WWP1: variants seen among roughly 807,000 people sequenced by gnomAD.
WWP1 encodes NEDD4-like E3 ubiquitin-protein ligase WWP1.
WWP1 carries 49 observed loss-of-function variants against 130.6 expected under a neutral mutation model. The ratio of observed to expected loss-of-function variants is 0.38; its 90% CI spans 0.30 to 0.48. The LOEUF (loss-of-function observed/expected upper bound fraction) is 0.48. Among genes scored for constraint, WWP1 ranks in the 20% least tolerant of loss-of-function variants. The pLI is 0.99. For missense variants in WWP1, 809 were observed against 1,100.6 expected (o/e 0.74, Z 3.75); for synonymous variants, 332 against 367.8 (o/e 0.90, Z 1.11).
intron 10 of WWP1, among the ~76,000 whole-genome samples, chr8:86,425,640 T>G (rs1809580285): frequency 6.6e-6 from 1 of 152,184 alleles, no homozygotes; most frequent in African/African-American, 2.4e-5. Context: ...GATAGTGATC[T>G]AAACTATGTT....
chr8:86,407,819 C>G (rs1433873834), intron 8 of WWP1, among the ~76,000 whole-genome samples: 1 of 152,152 alleles, frequency 6.6e-6, no homozygotes, highest in Non-Finnish European at 1.5e-5. Flanking sequence ...CCATCCCACT[C>G]AGAGTTTTTG....
At chr8:86,400,266 A>G (rs572193809) in intron 7 of WWP1, among the ~76,000 whole-genome samples, 18 of 152,018 alleles carry the variant, frequency 1.2e-4, no homozygotes, top group East Asian at 9.7e-4. Context: ...CGGGAGGCGG[A>G]GGTTGCAGTG....
intron 9 of WWP1, among the ~76,000 whole-genome samples, chr8:86,424,161 C>G (rs1809437672): frequency 6.6e-6 from 1 of 151,514 alleles, no homozygotes; most frequent in Non-Finnish European, 1.5e-5. Flanking sequence ...CCTCACCTCC[C>G]AGACTGGGTC....
chr8:86,448,634 T>A (rs1296301731), intron 20 of WWP1, 121 bp downstream of exon 20: 2 of 897,112 alleles, frequency 2.2e-6, no homozygotes, highest in South Asian at 3.0e-5. Flanking sequence ...CCAGTACCAA[T>A]GTTCTTGAAA....
chr8:86,360,977 T>C (rs558870432), intron 1 of WWP1, among the ~76,000 whole-genome samples: 1 of 152,162 alleles, frequency 6.6e-6, no homozygotes, highest in East Asian at 1.9e-4. Flanking sequence ...GGTAATTAGG[T>C]TGAGGAATGT....
intron 11 of WWP1, 67 bp downstream of exon 11, chr8:86,427,884 T>G (rs931753062): frequency 7.2e-7 from 1 of 1,393,986 alleles, no homozygotes; most frequent in South Asian, 1.4e-5. Flanking sequence ...TTTTTTTTTT[T>G]GCTATCCCTT....
At chr8:86,397,957 C>CA (rs1807770958) in intron 5 of WWP1, among the ~76,000 whole-genome samples, 1 of 152,138 alleles carries the variant, frequency 6.6e-6, no homozygotes, top group Non-Finnish European at 1.5e-5. Context: ...GAATAAGTTA[C>CA]TCAATACACA....
At chr8:86,463,317 G>GT (rs1294944371) in intron 24 of WWP1, among the ~76,000 whole-genome samples, 2 of 151,636 alleles carry the variant, frequency 1.3e-5, no homozygotes, top group African/African-American at 2.4e-5. Context: ...TTGTTTTTTT[G>GT]TTTTTTTGAG....
intron 10 of WWP1, 84 bp downstream of exon 10, chr8:86,425,402 T>G (rs1809563302): frequency 1.1e-6 from 1 of 943,208 alleles, no homozygotes; most frequent in South Asian, 1.9e-5. Context: ...CGTAATTTGA[T>G]TCTTTCATTC....
At chr8:86,451,207 A>G (rs560133647) in intron 20 of WWP1, among the ~76,000 whole-genome samples, 35 of 121,490 alleles carry the variant, frequency 2.9e-4, no homozygotes, top group Non-Finnish European at 5.0e-4. Context: ...GTGAGACCCT[A>G]TGTTATTAAA....
chr8:86,447,835 C>T (rs1354263511), intron 18 of WWP1, among the ~76,000 whole-genome samples: 1 of 152,044 alleles, frequency 6.6e-6, no homozygotes, highest in Non-Finnish European at 1.5e-5. Flanking sequence ...TTTTATATTT[C>T]CTTATCCAGT....
intron 8 of WWP1, among the ~76,000 whole-genome samples, chr8:86,409,853 C>A (rs1396934302): frequency 2.0e-5 from 3 of 151,570 alleles, no homozygotes; most frequent in Admixed American, 6.6e-5. Context: ...GAGCGAGACA[C>A]CTTCTCAAAA....
intron 8 of WWP1, among the ~76,000 whole-genome samples, chr8:86,408,654 G>A (rs747601081): frequency 6.6e-6 from 1 of 152,170 alleles, no homozygotes; most frequent in Non-Finnish European, 1.5e-5. Context: ...AGTGGCTTAC[G>A]CCTGTAATCC....
At chr8:86,402,321 T>C (rs1808036776) in intron 8 of WWP1, 118 bp downstream of exon 8, 1 of 1,288,992 alleles carries the variant, frequency 7.8e-7, no homozygotes, top group Non-Finnish European at 1.0e-6. Flanking sequence ...AGTCTCGCTC[T>C]GTCACCCAGG....
At chr8:86,350,731 A>C (rs1028747373) in intron 1 of WWP1, among the ~76,000 whole-genome samples, 3 of 152,168 alleles carry the variant, frequency 2.0e-5, no homozygotes, top group African/African-American at 7.2e-5. Flanking sequence ...AAGGAAAACA[A>C]GTTCTTTTGA....
At position 86,466,872 on chromosome 8, in the gene WWP1, A is replaced by C. The variant is rs148979073; in HGVS notation, c.2748A>C (p.Thr916=). Residue 916 remains threonine, a synonymous_variant, in exon 25 of 25, where the codon ACA becomes ACC. Coordinates refer to ENST00000517970, the MANE Select transcript of WWP1 (RefSeq NM_007013.4). ...KEKLLFAIEE[T]EGFGQE is the part of the protein sequence containing the mutation. ...AACTTCTTTTTGCAATAGAAGAGAC[A>C]GAGGGATTTGGACAAGAATGAATGT... 27 of 1,606,106 alleles carry C rather than the reference A, an allele frequency of 1.7e-5. No individual in the cohort carries two copies. Among genetic ancestry groups the C allele is most frequent in the Non-Finnish European group, 2.1e-5 (25 of 1,177,862 alleles).
rs564002695 is a variant in WWP1, at chr8:86,458,060, C to A, written c.2499+35C>A. 420 of 1,537,430 alleles carry A rather than the reference C, an allele frequency of 2.7e-4. 8 individuals are homozygous for A. In the South Asian group the frequency reaches 4.4e-3, roughly 16 times the overall value. On this transcript the variant is annotated intron_variant, in intron 22 of 24. Coordinates refer to ENST00000517970, the MANE Select transcript of WWP1 (RefSeq NM_007013.4). ...TTTATCTTTTTTGAAACAAAGTACT[C>A]AACATATTTTCTAATGAAATGGTGG...
chr8:86,379,950 T>C (rs1165170497), intron 3 of WWP1, among the ~76,000 whole-genome samples: 1 of 152,062 alleles, frequency 6.6e-6, no homozygotes, highest in African/African-American at 2.4e-5. Flanking sequence ...CTTTGGAAAA[T>C]AGCCTGGCAG....
chr8:86,367,092 A>G (rs971710587), intron 1 of WWP1, among the ~76,000 whole-genome samples: 3 of 152,178 alleles, frequency 2.0e-5, no homozygotes, highest in Admixed American at 6.5e-5. Context: ...CTAACCTTTT[A>G]GGTTCCACAT....
Sources: gnomAD v4.1 joint callset for allele counts (sites outside exome capture counted in the v4.1 genomes callset) on GRCh38, gnomAD v4.1.1 for gene constraint, MANE v1.5 for transcripts, NCBI Gene and HGNC (gene_info 2026-07-23, HGNC 2026-07-21) for gene names.